S100A9: variants seen among roughly 807,000 people sequenced by gnomAD.
S100A9 encodes protein S100-A9.
Under a neutral mutation model 4.3 loss-of-function variants are expected in S100A9, and 2 were observed. The ratio of observed to expected loss-of-function variants is 0.47; its 90% confidence interval spans 0.19 to 1.48. S100A9 has a LOEUF of 1.48. Among genes scored for constraint, S100A9 ranks in the 40% most tolerant of loss-of-function variants. The pLI, the probability that S100A9 is intolerant of heterozygous loss-of-function variation, is 0.24. For synonymous variants in S100A9, 67 were observed against 54.0 expected (o/e 1.24, Z -1.06); for missense variants, 130 against 144.4 (o/e 0.90, Z 0.51).
rs111795815 is a variant in S100A9 at position 153,359,169 on chromosome 1, C to T, written c.150+736C>T. Reference sequence around the variant, plus strand: ...TTTTCTTTTCAAATTTGGGGAAAGTCGGGAAACAGAGGCCTGCATTAAGAA... The same window carrying T: ...TTTTCTTTTCAAATTTGGGGAAAGTTGGGAAACAGAGGCCTGCATTAAGAA... On this transcript the variant is annotated intron_variant, in intron 2 of 2. Transcript: ENST00000368738. 8.3e-4 allele frequency among the ~76,000 whole-genome samples: 126 copies of T among 152,122 alleles called. 1 individual carries two copies. Among genetic ancestry groups the T allele is most frequent in the African/African-American group, 1.3e-3 (54 of 41,490 alleles).
In S100A9 at chr1:153,358,300, C is replaced by G. The variant is rs755639682; in HGVS notation, c.17C>G (p.Ser6Trp). The G allele has an allele frequency of 5.6e-6, 9 of 1,599,876 alleles. No homozygotes were observed. In the Admixed American group the frequency reaches 6.8e-5, roughly 12 times the overall value. The change falls in exon 2 of 3, where the codon TCG becomes TGG. Residue 6 changes from serine (S) to tryptophan (W), a missense_variant. By Grantham distance (177) the Ser-to-Trp change is radical. Transcript: ENST00000368738. ...TGCAAGACGATGACTTGCAAAATGT[C>G]GCAGCTGGAACGCAACATAGAGACC... Reference protein sequence around the residue: MTCKMSQLERNIETII... With the variant: MTCKMWQLERNIETII...
rs762463363 is a variant in S100A9, at chr1:153,360,778, C to T, written c.285C>T (p.His95=). The T allele has an allele frequency of 1.7e-5, 27 of 1,613,862 alleles. No homozygotes were observed. The highest frequency in any genetic ancestry group is 2.0e-5 in the Non-Finnish European group (24 of 1,179,954). Residue 95 remains histidine, a synonymous_variant, in exon 3 of 3, where the codon CAC becomes CAT. Transcript: ENST00000368738. The part of the protein sequence containing the change: ...RLTWASHEKM[H]EGDEGPGHHH... Reference sequence around the variant, plus strand: ...CCTGGGCCTCCCACGAGAAGATGCACGAGGGTGACGAGGGCCCTGGCCACC... The same window carrying T: ...CCTGGGCCTCCCACGAGAAGATGCATGAGGGTGACGAGGGCCCTGGCCACC...
At chr1:153,358,697 T>C (rs1014673385) in intron 2 of S100A9, among the ~76,000 whole-genome samples, 3 of 152,188 alleles carry the variant, frequency 2.0e-5, no homozygotes, top group African/African-American at 7.2e-5. Context: ...GGGAGCCCAC[T>C]ATTCCAGTGG....
At chr1:153,360,509 T>A (rs1661427946) in intron 2 of S100A9, 135 bp from the exon 3 acceptor site, 2 of 621,636 alleles carry the variant, frequency 3.2e-6, no homozygotes, top group African/African-American at 3.7e-5. Flanking sequence ...ACTCAGCCTA[T>A]GGTCATTTTT....
intron 2 of S100A9, among the ~76,000 whole-genome samples, chr1:153,359,134 A>C (rs1351957262): frequency 6.6e-6 from 1 of 152,146 alleles, no homozygotes; most frequent in Non-Finnish European, 1.5e-5. Context: ...CACTTCCAAC[A>C]GCCTTTTTGT....
In S100A9 at chr1:153,360,742, G is replaced by A. The variant is rs746757036; in HGVS notation, c.249G>A (p.Met83Ile). 4 of 1,614,158 alleles carry A rather than the reference G, an allele frequency of 2.5e-6. No individual in the cohort carries two copies. Among genetic ancestry groups the A allele is most frequent in the Non-Finnish European group, 3.4e-6 (4 of 1,179,986 alleles). ...QLSFEEFIML[M>I]ARLTWASHEK... is the part of the protein sequence containing the mutation. ...GCTTCGAGGAGTTCATCATGCTGATGGCGAGGCTAACCTGGGCCTCCCACG... is the reference window on the plus strand; with the variant it reads ...GCTTCGAGGAGTTCATCATGCTGATAGCGAGGCTAACCTGGGCCTCCCACG... The change falls in exon 3 of 3, where the codon ATG (methionine) becomes ATA (isoleucine). Residue 83 changes from methionine to isoleucine, a missense_variant. Coordinates refer to ENST00000368738, the MANE Select transcript of S100A9 (RefSeq NM_002965.4).
rs1661442166 is a variant in S100A9, at chr1:153,361,005, A to G, written c.*167A>G. ...CTGTGGGGCTAGGGGCTGGGGCCAA[A>G]TAAAGTCTCTTCCTCCAAGTCAGTG... is the stretch of plus-strand genomic sequence containing the variant. On this transcript the variant is annotated 3_prime_UTR_variant, in exon 3 of 3. Coordinates refer to ENST00000368738, the MANE Select transcript of S100A9 (RefSeq NM_002965.4). 1 of 591,970 alleles carries G rather than the reference A, an allele frequency of 1.7e-6. No individual in the cohort carries two copies. Among genetic ancestry groups the G allele is most frequent in the Non-Finnish European group, 3.0e-6 (1 of 333,480 alleles). The allele number at this position is 591,970 out of a possible 1,614,324, so 36.7% of individuals were successfully genotyped here. A position where few individuals can be genotyped will look rare whatever the true frequency, so the allele number is the denominator to read the frequency against.
chr1:153,360,499 A>C (rs1297516468), intron 2 of S100A9, 145 bp from the exon 3 acceptor site: 1 of 598,884 alleles, frequency 1.7e-6, no homozygotes, highest in African/African-American at 1.9e-5. Context: ...CATTGTGCGC[A>C]CTCAGCCTAT....
chr1:153,359,792 G>A (rs1338612353), intron 2 of S100A9, among the ~76,000 whole-genome samples: 1 of 149,608 alleles, frequency 6.7e-6, no homozygotes, highest in Non-Finnish European at 1.5e-5. Context: ...GGGTTCAAGC[G>A]ATTCTCCTGC....
chr1:153,358,695 A>G lies in S100A9; in HGVS notation c.150+262A>G, dbSNP rs367716321. Among the ~76,000 whole-genome samples the G allele has an allele frequency of 8.3e-4, 126 of 152,320 alleles. 3 individuals carry two copies. In the South Asian group the frequency reaches 0.019, roughly 23 times the overall value. ...GGATGTAGTGGTAAATGGGGAGCCC[A>G]CTATTCCAGTGGAGGGAGACACACA... On this transcript the variant is annotated intron_variant, in intron 2 of 2. Transcript: ENST00000368738.
Position 153,360,766 on chromosome 1 carries a change from C to A in S100A9, c.273C>A (p.His91Gln). 1 of 1,614,130 alleles carries A rather than the reference C, an allele frequency of 6.2e-7. No homozygotes were observed. The highest frequency in any genetic ancestry group is 8.5e-7 in the Non-Finnish European group (1 of 1,180,002). Residue 91 changes from histidine (H) to glutamine (Q), a missense_variant, in exon 3 of 3, where the codon CAC becomes CAA. Transcript: ENST00000368738. ...TGGCGAGGCTAACCTGGGCCTCCCA[C>A]GAGAAGATGCACGAGGGTGACGAGG... is the stretch of plus-strand genomic sequence containing the variant. ...MLMARLTWASHEKMHEGDEGP... is the reference protein window; with the variant it reads ...MLMARLTWASQEKMHEGDEGP...
chr1:153,359,973 G>A (rs1457977745), intron 2 of S100A9, among the ~76,000 whole-genome samples: 1 of 152,058 alleles, frequency 6.6e-6, no homozygotes, highest in Non-Finnish European at 1.5e-5. Context: ...ACAAGCATGA[G>A]CCACCCTGTC....
At chr1:153,358,944 C>T in intron 2 of S100A9, among the ~76,000 whole-genome samples, 1 of 151,942 alleles carries the variant, frequency 6.6e-6, no homozygotes, top group South Asian at 2.1e-4. Flanking sequence ...GCTGAGGAGA[C>T]CCTAAGCCTC....
chr1:153,360,931 G>T lies in S100A9; in HGVS notation c.*93G>T. 2 of 994,366 alleles carry T rather than the reference G, an allele frequency of 2.0e-6. No individual in the cohort carries two copies. The highest frequency in any genetic ancestry group is 3.3e-5 in the African/African-American group (2 of 59,820). The allele number at this position is 994,366 out of a possible 1,614,324, so 61.6% of individuals were successfully genotyped here. ...ACTAATCAGGAGGCCAGGCCACCCT[G>T]CCTCTACCCAACCAGGGCCCCGGGG... On this transcript the variant is annotated 3_prime_UTR_variant, in exon 3 of 3. Coordinates refer to ENST00000368738, the MANE Select transcript of S100A9 (RefSeq NM_002965.4).
At chr1:153,358,037 C>G (rs555495861) in intron 1 of S100A9, among the ~76,000 whole-genome samples, 156 bp downstream of exon 1, 3 of 152,368 alleles carry the variant, frequency 2.0e-5, no homozygotes, top group Non-Finnish European at 4.4e-5. Flanking sequence ...AGGTCATGTT[C>G]CCCTGGGGCC....
chr1:153,359,679 CCTTT>C (rs1468396355), intron 2 of S100A9, among the ~76,000 whole-genome samples: 1 of 138,764 alleles, frequency 7.2e-6, no homozygotes, highest in African/African-American at 2.7e-5. Flanking sequence ...TGATGTCTCT[CCTTT>C]TTTTTTTTTT....
chr1:153,360,664 G>T lies in S100A9; in HGVS notation c.171G>T (p.Lys57Asn). ...CGCAGAAGGAGAATAAGAATGAAAA[G>T]GTCATAGAACACATCATGGAGGACC... is the stretch of plus-strand genomic sequence containing the variant. ...NFLKKENKNEKVIEHIMEDLD... is the reference protein window; with the variant it reads ...NFLKKENKNENVIEHIMEDLD... The change falls in exon 3 of 3, where the codon AAG (lysine) becomes AAT (asparagine). Residue 57 changes from lysine to asparagine, a missense_variant. Coordinates refer to ENST00000368738, the MANE Select transcript of S100A9 (RefSeq NM_002965.4). 1.2e-6 allele frequency: 2 copies of T among 1,610,798 alleles called. No homozygotes were observed. Among genetic ancestry groups the T allele is most frequent in the Non-Finnish European group, 1.7e-6 (2 of 1,177,780 alleles).
rs113898758 is a variant in S100A9 at position 153,358,266 on chromosome 1, C to T, written c.-15-3C>T. On this transcript the variant is annotated splice_polypyrimidine_tract_variant and splice_region_variant and intron_variant, in intron 1 of 2. Transcript: ENST00000368738. ...TCCCAACTCTTGGTTTTCCATTACACAGACAGAGTGCAAGACGATGACTTG... is the reference window on the plus strand; with the variant it reads ...TCCCAACTCTTGGTTTTCCATTACATAGACAGAGTGCAAGACGATGACTTG... 6.5e-7 allele frequency: 1 copy of T among 1,547,670 alleles called. No homozygotes were observed. Among genetic ancestry groups the T allele is most frequent in the Non-Finnish European group, 8.8e-7 (1 of 1,137,944 alleles).
chr1:153,359,577 A>T (rs919980429), intron 2 of S100A9, among the ~76,000 whole-genome samples: 6 of 150,734 alleles, frequency 4.0e-5, no homozygotes, highest in Non-Finnish European at 7.4e-5. Flanking sequence ...CTGGGAGGGG[A>T]CTTAGCGAGG....
Sources: gnomAD v4.1 joint callset for allele counts (sites outside exome capture counted in the v4.1 genomes callset) on GRCh38, gnomAD v4.1.1 for gene constraint, MANE v1.5 for transcripts, NCBI Gene and HGNC (gene_info 2026-07-23, HGNC 2026-07-21) for gene names.